ELP3: variants seen among roughly 807,000 people sequenced by gnomAD.
ELP3 encodes the protein elongator acetyltransferase complex subunit 3.
A neutral mutation model predicts 74.9 loss-of-function variants in ELP3; 56 were observed. That is an observed-to-expected ratio of 0.75 (90% CI 0.60 to 0.93). ELP3 has a LOEUF of 0.93. ELP3 is among the 40% of genes least tolerant of loss of function. ELP3 has a pLI of 0.00. For missense variants in ELP3, 573 were observed against 686.5 expected, an observed-to-expected ratio of 0.83 and a Z score of 1.85; for synonymous variants, 222 against 239.8, an observed-to-expected ratio of 0.93 and a Z score of 0.68.
upstream of ELP3, among the ~76,000 whole-genome samples, chr8:28,090,689 G>A (rs1006281969): frequency 6.6e-6 from 1 of 151,996 alleles, no homozygotes; most frequent in Non-Finnish European, 1.5e-5. Context: ...ACAACTCAAA[G>A]CATTGATGTG....
intron 7 of ELP3, among the ~76,000 whole-genome samples, chr8:28,114,323 A>G (rs1023622990): frequency 6.6e-6 from 1 of 152,152 alleles, no homozygotes; most frequent in Non-Finnish European, 1.5e-5. Context: ...GTGTTAATCC[A>G]TTTGTGTCCC....
chr8:28,114,794 G>A (rs1812060479), intron 7 of ELP3, among the ~76,000 whole-genome samples: 1 of 152,194 alleles, frequency 6.6e-6, no homozygotes, highest in Non-Finnish European at 1.5e-5. Flanking sequence ...CTTTTAAGGA[G>A]TTGAAATTTT....
At chr8:28,181,822 C>G (rs570733401) in intron 14 of ELP3, among the ~76,000 whole-genome samples, 1 of 152,336 alleles carries the variant, frequency 6.6e-6, no homozygotes, top group Admixed American at 6.5e-5. Flanking sequence ...TGAAACTCAT[C>G]TTTCTCCTAG....
chr8:28,096,035 C>T (rs1290124543), intron 1 of ELP3, among the ~76,000 whole-genome samples: 1 of 152,196 alleles, frequency 6.6e-6, no homozygotes, highest in East Asian at 1.9e-4. Context: ...CTAAGCTCTG[C>T]CTCCTGTCAC....
intron 14 of ELP3, among the ~76,000 whole-genome samples, chr8:28,163,358 G>T (rs1814176678): frequency 6.6e-6 from 1 of 152,058 alleles, no homozygotes; most frequent in South Asian, 2.1e-4. Context: ...GAAAATGAAA[G>T]TTGAAATGAG....
intron 14 of ELP3, among the ~76,000 whole-genome samples, chr8:28,170,566 C>A (rs1288704077): frequency 6.6e-6 from 1 of 152,144 alleles, no homozygotes; most frequent in Non-Finnish European, 1.5e-5. Context: ...GGCCATTTAT[C>A]TTTTTCTTCT....
At chr8:28,103,841 C>T (rs1429299303) in intron 3 of ELP3, among the ~76,000 whole-genome samples, 1 of 152,172 alleles carries the variant, frequency 6.6e-6, no homozygotes, top group African/African-American at 2.4e-5. Context: ...GCTATCCTCC[C>T]ACCTCAGCCT....
chr8:28,104,527 A>T (rs960121062), intron 3 of ELP3, among the ~76,000 whole-genome samples: 3 of 152,206 alleles, frequency 2.0e-5, no homozygotes, highest in African/African-American at 7.2e-5. Flanking sequence ...TAATTGTCAT[A>T]TATCTTTAGT....
At chr8:28,164,832 T>A (rs1225419021) in intron 14 of ELP3, among the ~76,000 whole-genome samples, 1 of 152,184 alleles carries the variant, frequency 6.6e-6, no homozygotes, top group East Asian at 1.9e-4. Flanking sequence ...GTTTTTAATG[T>A]TGTGTTTTTC....
At chr8:28,167,128 GGGAGA>G (rs1391854600) in intron 14 of ELP3, among the ~76,000 whole-genome samples, 2 of 152,192 alleles carry the variant, frequency 1.3e-5, no homozygotes, top group African/African-American at 4.8e-5. Flanking sequence ...GCCAGAGAAG[GGGAGA>G]GGAGAGAAGA....
At chr8:28,140,569 G>C (rs1813197179) in intron 10 of ELP3, among the ~76,000 whole-genome samples, 1 of 152,148 alleles carries the variant, frequency 6.6e-6, no homozygotes, top group African/African-American at 2.4e-5. Context: ...GGCATGCTTA[G>C]CAGTGAAAAA....
chr8:28,090,946 G>A (rs1382410301), upstream of ELP3, among the ~76,000 whole-genome samples: 9 of 134,194 alleles, frequency 6.7e-5, no homozygotes, highest in East Asian at 4.5e-4. Context: ...TCACTGTGTC[G>A]CCCAGGCTGG....
At chr8:28,182,525 C>T (rs1177569581) in intron 14 of ELP3, among the ~76,000 whole-genome samples, 1 of 152,204 alleles carries the variant, frequency 6.6e-6, no homozygotes, top group African/African-American at 2.4e-5. Flanking sequence ...CACGCCATTG[C>T]ACTCCAGCCT....
intron 14 of ELP3, among the ~76,000 whole-genome samples, chr8:28,181,871 G>A (rs1405075551): frequency 6.6e-6 from 1 of 152,200 alleles, no homozygotes; most frequent in East Asian, 1.9e-4. Context: ...AAATAAATTA[G>A]TGCATGGAGA....
At chr8:28,128,024 A>G (rs1203430688) in intron 7 of ELP3, among the ~76,000 whole-genome samples, 2 of 152,334 alleles carry the variant, frequency 1.3e-5, no homozygotes, top group East Asian at 3.9e-4. Flanking sequence ...AATTACAGAA[A>G]TTTTATGATT....
chr8:28,127,059 T>G (rs893164209), intron 7 of ELP3, among the ~76,000 whole-genome samples: 4 of 152,218 alleles, frequency 2.6e-5, no homozygotes, highest in African/African-American at 9.6e-5. Flanking sequence ...ACCATTTCTG[T>G]TGCTGCAAAA....
chr8:28,118,121 A>T (rs988111547), intron 7 of ELP3, among the ~76,000 whole-genome samples: 4 of 152,186 alleles, frequency 2.6e-5, no homozygotes, highest in South Asian at 2.1e-4. Context: ...GACTACATAG[A>T]TGTAAACTGA....
rs200264894 is a variant in ELP3 at position 28,093,176 on chromosome 8, C to T, written c.-39C>T. 16 of 1,609,388 alleles carry T rather than the reference C, an allele frequency of 9.9e-6. No homozygotes were observed. Among genetic ancestry groups the T allele is most frequent in the East Asian group, 2.2e-5 (1 of 44,746 alleles). On this transcript the variant is annotated 5_prime_UTR_variant, in exon 1 of 15. Transcript: ENST00000256398. The stretch of plus-strand genomic sequence containing the variant: ...TCCCCGTGGTCTGAGTTTGTGGCTG[C>T]ATTTTTATCTCTGGTGGCTCTGCTA...
intron 7 of ELP3, among the ~76,000 whole-genome samples, chr8:28,123,099 G>A (rs1812437536): frequency 6.6e-6 from 1 of 152,138 alleles, no homozygotes; most frequent in African/African-American, 2.4e-5. Context: ...CCTCCAGGCT[G>A]GATAACAGAG....
Sources: gnomAD v4.1 joint callset for allele counts (sites outside exome capture counted in the v4.1 genomes callset) on GRCh38, gnomAD v4.1.1 for gene constraint, MANE v1.5 for transcripts, NCBI Gene and HGNC (gene_info 2026-07-23, HGNC 2026-07-21) for gene names.